Variants in POU3F3 observed in about 807,000 individuals in gnomAD.
The protein encoded by POU3F3 is POU class 3 homeobox 3, also known as POU domain, class 3, transcription factor 3.
In POU3F3, 1 loss-of-function variant was observed where a neutral mutation model predicts 8.6. The ratio of observed to expected loss-of-function variants is 0.12; its 90% CI spans 0.04 to 0.55. The LOEUF is 0.55. Ranked by LOEUF, POU3F3 falls within the 20% of genes least tolerant of loss-of-function variation. The pLI, the probability that POU3F3 is intolerant of heterozygous loss-of-function variation, is 0.91. For synonymous variants in POU3F3, 418 were observed against 327.4 expected (o/e 1.28, Z -2.99); for missense variants, 577 against 690.7 (o/e 0.84, Z 1.84).
chr2:104,922,953 T>C, the POU3F3 span, among the ~76,000 whole-genome samples: 1 of 152,086 alleles, frequency 6.6e-6, no homozygotes, highest in Admixed American at 6.5e-5. Flanking sequence ...AGGTTTCTCA[T>C]CAGAAATTCT....
chr2:104,905,258 C>G, the POU3F3 span, among the ~76,000 whole-genome samples: 1 of 152,104 alleles, frequency 6.6e-6, no homozygotes, highest in Non-Finnish European at 1.5e-5. Flanking sequence ...AAATTTCATT[C>G]TATTATAAGA....
At chr2:104,890,570 C>T in the POU3F3 span, among the ~76,000 whole-genome samples, 1 of 152,250 alleles carries the variant, frequency 6.6e-6, no homozygotes, top group South Asian at 2.1e-4. Context: ...GAAAAAATGC[C>T]AACCCCTGAA....
the POU3F3 span, chr2:104,865,506 G>T: frequency 6.6e-6 from 1 of 152,154 alleles, no homozygotes; most frequent in Non-Finnish European, 1.5e-5. Context: ...TAAAGAAAAG[G>T]GACAAGAGGT....
the POU3F3 span, among the ~76,000 whole-genome samples, chr2:104,871,091 C>T: frequency 6.6e-6 from 1 of 152,176 alleles, no homozygotes; most frequent in Non-Finnish European, 1.5e-5. Context: ...AATTAAAACA[C>T]TTGTTCCTTA....
downstream of POU3F3, among the ~76,000 whole-genome samples, chr2:104,859,139 T>TC (rs1405606448): frequency 6.6e-6 from 1 of 151,568 alleles, no homozygotes; most frequent in Non-Finnish European, 1.5e-5. Context: ...TTTTTGGGTT[T>TC]TTTCCCCCCG....
At chr2:104,882,243 A>ATTTTTT in the POU3F3 span, among the ~76,000 whole-genome samples, 1 of 111,286 alleles carries the variant, frequency 9.0e-6, no homozygotes, top group Non-Finnish European at 1.8e-5. Flanking sequence ...GAAAACCTGA[A>ATTTTTT]TTTTTTTTTT....
chr2:104,886,690 C>A, the POU3F3 span, among the ~76,000 whole-genome samples: 1 of 152,068 alleles, frequency 6.6e-6, no homozygotes, highest in African/African-American at 2.4e-5. Context: ...GGTGGATCAC[C>A]TGAGGTCTGG....
chr2:104,924,636 C>A, the POU3F3 span, among the ~76,000 whole-genome samples: 1 of 152,218 alleles, frequency 6.6e-6, no homozygotes, highest in South Asian at 2.1e-4. Context: ...TAATCTCTAA[C>A]CAAAATGGTT....
chr2:104,897,880 G>A, the POU3F3 span, among the ~76,000 whole-genome samples: 4 of 152,078 alleles, frequency 2.6e-5, no homozygotes, highest in African/African-American at 9.7e-5. Flanking sequence ...TTCTTTCTAG[G>A]GCCTTATGAA....
chr2:104,876,010 G>A, the POU3F3 span, among the ~76,000 whole-genome samples: 1 of 152,184 alleles, frequency 6.6e-6, no homozygotes, highest in Non-Finnish European at 1.5e-5. Flanking sequence ...GAGCCACCAT[G>A]CCCAGCCTCT....
chr2:104,920,225 G>T, the POU3F3 span, among the ~76,000 whole-genome samples: 2 of 152,186 alleles, frequency 1.3e-5, no homozygotes, highest in Admixed American at 1.3e-4. Flanking sequence ...ATGTTGGCCA[G>T]ACTGGTGTTG....
At chr2:104,900,924 A>T in the POU3F3 span, among the ~76,000 whole-genome samples, 1 of 152,228 alleles carries the variant, frequency 6.6e-6, no homozygotes, top group African/African-American at 2.4e-5. Context: ...AATGCTGTGC[A>T]GTTCCTGCCC....
chr2:104,911,612 A>G, the POU3F3 span, among the ~76,000 whole-genome samples: 1 of 152,084 alleles, frequency 6.6e-6, no homozygotes, highest in African/African-American at 2.4e-5. Context: ...GGCTTTGAGG[A>G]CTTGAAAAGC....
At chr2:104,868,362 C>T in the POU3F3 span, 1 of 456,696 alleles carries the variant, frequency 2.2e-6, no homozygotes, top group Non-Finnish European at 4.4e-6. Flanking sequence ...GTTTCTCCTC[C>T]GCCGACAAAG....
At chr2:104,882,436 G>C in the POU3F3 span, among the ~76,000 whole-genome samples, 1 of 151,970 alleles carries the variant, frequency 6.6e-6, no homozygotes, top group East Asian at 1.9e-4. Context: ...ACTTTTAGTA[G>C]AGACGGGGTT....
rs1311756900 is a variant in POU3F3 at position 104,855,954 on chromosome 2, C to A, written c.444C>A (p.Asp148Glu). Residue 148 changes from aspartate to glutamate, a missense_variant, in exon 1 of 1, where the codon GAC becomes GAA. Asp to Glu is a conservative substitution (Grantham distance 45, BLOSUM62 2). Coordinates refer to ENST00000361360, the MANE Select transcript of POU3F3 (RefSeq NM_006236.3). ...QPPPPPPQGP[D>E]VKGGAGRDDL... ...CGCCGCCACCGCCGCAGGGCCCCGA[C>A]GTGAAGGGCGGCGCCGGGCGCGACG... The A allele has an allele frequency of 9.5e-7, 1 of 1,055,502 alleles. No homozygotes were observed. Among genetic ancestry groups the A allele is most frequent in the Non-Finnish European group, 1.1e-6 (1 of 873,942 alleles). 65.4% of individuals were successfully genotyped at this position (1,055,502 alleles called of 1,614,324 possible). A position where few individuals can be genotyped will look rare whatever the true frequency, so the allele number is the denominator to read the frequency against.
the POU3F3 span, among the ~76,000 whole-genome samples, chr2:104,893,966 C>T: frequency 1.3e-4 from 19 of 151,974 alleles, no homozygotes; most frequent in Non-Finnish European, 2.5e-4. Context: ...CATGTTAGCT[C>T]CTATGGCACG....
chr2:104,921,159 A>C, the POU3F3 span, among the ~76,000 whole-genome samples: 13 of 152,318 alleles, frequency 8.5e-5, 1 homozygote, highest in South Asian at 2.7e-3. Context: ...GGGAGCAACC[A>C]GCTGTGTATC....
chr2:104,863,158 CAATTATTAT>C (rs1676685666), downstream of POU3F3, among the ~76,000 whole-genome samples: 2 of 119,178 alleles, frequency 1.7e-5, no homozygotes, highest in African/African-American at 6.5e-5. Context: ...CTCATAATAA[CAATTATTAT>C]TATTATTATT....
Sources: allele counts gnomAD v4.1 joint callset (sites outside exome capture counted in the v4.1 genomes callset), GRCh38; gene constraint gnomAD v4.1.1; transcripts MANE v1.5; gene names NCBI Gene and HGNC (gene_info 2026-07-23, HGNC 2026-07-21).